The following JAK2 variants were observed in gnomAD, a reference collection of about 807,000 sequenced individuals.
JAK2 encodes tyrosine-protein kinase JAK2.
Under a neutral mutation model 139.3 loss-of-function variants are expected in JAK2, and 86 were observed. The ratio of observed to expected loss-of-function variants is 0.62; its 90% CI spans 0.52 to 0.74. JAK2 has a LOEUF of 0.74. Among genes scored for constraint, JAK2 ranks in the 30% least tolerant of loss-of-function variants. The probability of loss-of-function intolerance (pLI) is 0.00; values close to 1 mark genes in which losing one functional copy is unlikely to be tolerated. For synonymous variants in JAK2, 490 were observed against 437.7 expected (o/e 1.12, Z -1.49); for missense variants, 1,421 against 1,360.3 (o/e 1.04, Z -0.70).
chr9:5,111,266 C>T (rs1822494776), intron 22 of JAK2: 1 of 499,656 alleles, frequency 2.0e-6, no homozygotes, highest in Admixed American at 2.4e-5. Flanking sequence ...GCGTGCGCAG[C>T]CTGACTCAGG....
intron 4 of JAK2, among the ~76,000 whole-genome samples, chr9:5,043,621 CAT>C (rs958890473): frequency 6.6e-6 from 1 of 152,136 alleles, no homozygotes; most frequent in Non-Finnish European, 1.5e-5. Context: ...GAAATGAAAA[CAT>C]ATCCACAAAA....
chr9:5,082,879 C>T (rs1401021359), intron 19 of JAK2, among the ~76,000 whole-genome samples: 1 of 152,220 alleles, frequency 6.6e-6, no homozygotes, highest in Non-Finnish European at 1.5e-5. Context: ...GGCAAAGTTA[C>T]AGATTAACAG....
intron 5 of JAK2, among the ~76,000 whole-genome samples, chr9:5,049,517 CCTT>C: frequency 6.6e-6 from 1 of 152,280 alleles, no homozygotes; most frequent in East Asian, 1.9e-4. Context: ...ATGAAACCCT[CCTT>C]GATTACTCCA....
At chr9:5,041,876 C>T in intron 4 of JAK2, 3 of 435,026 alleles carry the variant, frequency 6.9e-6, no homozygotes, top group South Asian at 5.1e-5. Context: ...CCGGCCACTC[C>T]AGCGCCCATC....
intron 22 of JAK2, chr9:5,100,490 A>G (rs1011849775): frequency 1.4e-4 from 21 of 152,214 alleles, no homozygotes; most frequent in South Asian, 4.1e-4. Context: ...GAATAATTCT[A>G]TTTATTATCT....
At chr9:5,090,366 A>G (rs1373928840) in intron 20 of JAK2, 80 bp from the exon 21 acceptor site, 2 of 1,056,312 alleles carry the variant, frequency 1.9e-6, no homozygotes, top group Non-Finnish European at 2.6e-6. Flanking sequence ...TGTTTAAGTC[A>G]TTTATGTATG....
At chr9:4,999,399 T>G (rs1820797524) in intron 2 of JAK2, among the ~76,000 whole-genome samples, 2 of 152,160 alleles carry the variant, frequency 1.3e-5, no homozygotes, top group Non-Finnish European at 2.9e-5. Context: ...TCTCTTCATA[T>G]AAAAAATTCA....
At chr9:5,016,663 G>T (rs1182406877) in intron 2 of JAK2, among the ~76,000 whole-genome samples, 1 of 152,100 alleles carries the variant, frequency 6.6e-6, no homozygotes, top group Non-Finnish European at 1.5e-5. Flanking sequence ...CCACTACTTA[G>T]ATCAAGAAAT....
At chr9:5,009,015 C>G (rs950702262) in intron 2 of JAK2, among the ~76,000 whole-genome samples, 1 of 152,128 alleles carries the variant, frequency 6.6e-6, no homozygotes, top group Non-Finnish European at 1.5e-5. Flanking sequence ...TCAACTCTTT[C>G]ACTGAATTGT....
intron 22 of JAK2, chr9:5,111,469 C>CAG (rs1822530613): frequency 2.6e-6 from 1 of 386,734 alleles, no homozygotes; most frequent in Non-Finnish European, 5.0e-6. Context: ...CGTACCTGCC[C>CAG]AGCTCAGGTG....
At chr9:5,112,735 C>T in intron 22 of JAK2, 1 of 725,538 alleles carries the variant, frequency 1.4e-6, no homozygotes, top group Non-Finnish European at 2.1e-6. Context: ...CCAAAACAGC[C>T]TGTTTGAAAC....
At chr9:5,070,223 ATTAATTATC>A in intron 12 of JAK2, among the ~76,000 whole-genome samples, 171 bp downstream of exon 12, 1 of 141,784 alleles carries the variant, frequency 7.1e-6, no homozygotes, top group East Asian at 2.1e-4. Context: ...TGTTAGCAAA[ATTAATTATC>A]TTAATTATCC....
At chr9:5,050,155 T>C (rs1247121653) in intron 5 of JAK2, among the ~76,000 whole-genome samples, 2 of 152,244 alleles carry the variant, frequency 1.3e-5, no homozygotes, top group Admixed American at 6.5e-5. Flanking sequence ...TTTGAAGATA[T>C]ATTTAATGAA....
At chr9:5,008,253 A>G (rs991260240) in intron 2 of JAK2, among the ~76,000 whole-genome samples, 17 of 152,252 alleles carry the variant, frequency 1.1e-4, no homozygotes, top group African/African-American at 4.1e-4. Context: ...AATACAAATT[A>G]TATTTTGTAT....
At chr9:5,049,513 C>A (rs1817266445) in intron 5 of JAK2, among the ~76,000 whole-genome samples, 1 of 152,150 alleles carries the variant, frequency 6.6e-6, no homozygotes, top group Admixed American at 6.5e-5. Flanking sequence ...TTCCATGAAA[C>A]CCTCCTTGAT....
rs925859072 is a variant in JAK2, at chr9:5,078,382, G to C, written c.2069G>C (p.Gly690Ala). The C allele has an allele frequency of 1.2e-6, 2 of 1,613,002 alleles. No individual in the cohort carries two copies. The highest frequency in any genetic ancestry group is 3.3e-5 in the Admixed American group (2 of 60,002). The change falls in exon 16 of 25, where the codon GGA (glycine) becomes GCA (alanine). Residue 690 changes from glycine to alanine, a missense_variant. Transcript: ENST00000381652. The part of the protein sequence containing the change: ...LLIREEDRKT[G>A]NPPFIKLSDP... ...ATCAGAGAAGAAGACAGGAAGACAG[G>C]AAATCCTCCTTTCATCAAACTTAGT... is the stretch of plus-strand genomic sequence containing the variant.
At chr9:5,043,512 GT>G (rs1816770043) in intron 4 of JAK2, among the ~76,000 whole-genome samples, 1 of 152,172 alleles carries the variant, frequency 6.6e-6, no homozygotes, top group African/African-American at 2.4e-5. Context: ...ATGTAAAGTG[GT>G]GCTGCTACTT....
At chr9:5,067,350 T>C (rs2130509663) in intron 10 of JAK2, among the ~76,000 whole-genome samples, 1 of 152,304 alleles carries the variant, frequency 6.6e-6, no homozygotes, top group Admixed American at 6.5e-5. Flanking sequence ...ATTTTGGATC[T>C]CATCTATGAT....
At chr9:5,120,673 A>C (rs1463212712) in intron 22 of JAK2, among the ~76,000 whole-genome samples, 5 of 152,170 alleles carry the variant, frequency 3.3e-5, no homozygotes, top group Non-Finnish European at 1.5e-5. Context: ...CCTTGTGTGA[A>C]GACCTCTGTG....
Sources: gnomAD v4.1 joint callset for allele counts (sites outside exome capture counted in the v4.1 genomes callset) on GRCh38, gnomAD v4.1.1 for gene constraint, MANE v1.5 for transcripts, NCBI Gene and HGNC (gene_info 2026-07-23, HGNC 2026-07-21) for gene names.